TRAP1: variants seen among roughly 807,000 people sequenced by gnomAD.
TRAP1 encodes the protein heat shock protein 75 kDa, mitochondrial.
In TRAP1, 102 loss-of-function variants were observed where a neutral mutation model predicts 89.1. That is an observed-to-expected ratio of 1.15 (90% CI 0.98 to 1.35). The LOEUF is 1.35. Among genes scored for constraint, TRAP1 ranks in the 40% most tolerant of loss-of-function variants. The probability of loss-of-function intolerance (pLI) is 0.00; values close to 1 mark genes in which losing one functional copy is unlikely to be tolerated. For synonymous variants in TRAP1, 508 were observed against 388.0 expected, an observed-to-expected ratio of 1.31 and a Z score of -3.64; for missense variants, 1,256 against 945.3, an observed-to-expected ratio of 1.33 and a Z score of -4.31.
chr16:3,671,798 G>A lies in TRAP1; in HGVS notation c.1166-7C>T. 1 of 1,611,566 alleles carries A rather than the reference G, an allele frequency of 6.2e-7. No individual in the cohort carries two copies. Among genetic ancestry groups the A allele is most frequent in the Non-Finnish European group, 8.5e-7 (1 of 1,179,970 alleles). On this transcript the variant is annotated splice_region_variant and splice_polypyrimidine_tract_variant and intron_variant, in intron 10 of 17. Transcript: ENST00000246957. ...TCCTCACTGTCCACCACACCTGGGA[G>A]ACACGGCAGTCAGCTTCTCCCGGGG...
At chr16:3,679,958 G>C in intron 4 of TRAP1, 168 bp from the exon 5 acceptor site, 2 of 643,766 alleles carry the variant, frequency 3.1e-6, no homozygotes, top group Non-Finnish European at 5.6e-6. Context: ...GGCCGGGAGT[G>C]ATGGTTCATG....
At chr16:3,710,879 A>ATATATATATATATTTT (rs71133652) in intron 1 of TRAP1, among the ~76,000 whole-genome samples, 2 of 125,798 alleles carry the variant, frequency 1.6e-5, no homozygotes, top group East Asian at 4.8e-4. Flanking sequence ...ATATATATAT[A>ATATATATATATATTTT]TTTTTTTTTT....
chr16:3,694,802 TA>T (rs2051264355), intron 1 of TRAP1, among the ~76,000 whole-genome samples: 1 of 152,156 alleles, frequency 6.6e-6, no homozygotes, highest in Non-Finnish European at 1.5e-5. Context: ...CTTGGTTACC[TA>T]CAGGAGGTGT....
At chr16:3,715,795 AT>A (rs949784966) in intron 1 of TRAP1, among the ~76,000 whole-genome samples, 2 of 152,154 alleles carry the variant, frequency 1.3e-5, no homozygotes, top group Non-Finnish European at 2.9e-5. Flanking sequence ...AGACAAAAAA[AT>A]AAATAAATAA....
chr16:3,708,818 T>A (rs2051486238), intron 1 of TRAP1, among the ~76,000 whole-genome samples: 1 of 132,172 alleles, frequency 7.6e-6, no homozygotes, highest in Non-Finnish European at 1.7e-5. Flanking sequence ...TCTGTCTCAA[T>A]TTTTTTTTTT....
At chr16:3,666,419 A>G (rs1567226243) in intron 11 of TRAP1, among the ~76,000 whole-genome samples, 1 of 152,120 alleles carries the variant, frequency 6.6e-6, no homozygotes, top group Admixed American at 6.5e-5. Context: ...TGTTCCAATT[A>G]TAGGAACTGC....
chr16:3,670,470 G>A (rs2050898648), intron 11 of TRAP1, among the ~76,000 whole-genome samples: 2 of 151,508 alleles, frequency 1.3e-5, no homozygotes, highest in South Asian at 4.2e-4. Context: ...GGAGGCTGAG[G>A]CCAAAGGATC....
intron 1 of TRAP1, among the ~76,000 whole-genome samples, chr16:3,713,432 G>C (rs1019936750): frequency 6.6e-5 from 10 of 152,156 alleles, no homozygotes; most frequent in Non-Finnish European, 5.9e-5. Context: ...CAGCTCTCCC[G>C]ACCTTCCTGG....
chr16:3,665,941 AG>A (rs758541462), intron 12 of TRAP1, 29 bp downstream of exon 12: 1 of 1,597,772 alleles, frequency 6.3e-7, no homozygotes, highest in African/African-American at 1.4e-5. Flanking sequence ...AAGGTGGCCC[AG>A]AAAAAGGCCT....
At chr16:3,667,681 A>G (rs2050854732) in intron 11 of TRAP1, among the ~76,000 whole-genome samples, 1 of 151,482 alleles carries the variant, frequency 6.6e-6, no homozygotes, top group Non-Finnish European at 1.5e-5. Context: ...AATGATAGCA[A>G]GATTATAAAC....
chr16:3,697,784 G>A (rs987382522), intron 1 of TRAP1, among the ~76,000 whole-genome samples: 7 of 149,928 alleles, frequency 4.7e-5, no homozygotes, highest in African/African-American at 1.7e-4. Context: ...CAATTAATAT[G>A]CAGAATTTTT....
rs745658862 is a variant in TRAP1, at chr16:3,658,209, C to G, written c.2035G>C (p.Ala679Pro). 1.2e-6 allele frequency: 2 copies of G among 1,613,918 alleles called. No individual in the cohort carries two copies. The highest frequency in any genetic ancestry group is 1.7e-6 in the Non-Finnish European group (2 of 1,179,982). The change falls in exon 18 of 18, where the codon GCT becomes CCT. Residue 679 changes from alanine to proline, a missense_variant. Coordinates refer to ENST00000246957, the MANE Select transcript of TRAP1 (RefSeq NM_016292.3). Reference sequence around the variant, plus strand: ...CTAGGGTCGTCAACAAGTCCAGCAGCAATCATGGCGTTCTCGTATATCTGA... The same window carrying G: ...CTAGGGTCGTCAACAAGTCCAGCAGGAATCATGGCGTTCTCGTATATCTGA... ...VDQIYENAMI[A>P]AGLVDDPRAM...
At chr16:3,676,262 C>T (rs2050992449) in intron 6 of TRAP1, 117 bp from the exon 7 acceptor site, 1 of 708,796 alleles carries the variant, frequency 1.4e-6, no homozygotes, top group South Asian at 2.0e-5. Context: ...ACACAACACA[C>T]CTCAAATGCC....
In TRAP1 at chr16:3,676,174, G is replaced by A. The variant is rs377497965; in HGVS notation, c.705-29C>T. The A allele has an allele frequency of 1.8e-5, 29 of 1,603,052 alleles. No homozygotes were observed. In the South Asian group the frequency reaches 2.9e-4, roughly 16 times the overall value. On this transcript the variant is annotated intron_variant, in intron 6 of 17. Coordinates refer to ENST00000246957, the MANE Select transcript of TRAP1 (RefSeq NM_016292.3). The stretch of plus-strand genomic sequence containing the variant: ...AGGCAGGCAAAGAAAGGAAAAGCCA[G>A]GTGGATGTGACACTGGGACATACCC...
At position 3,676,103 on chromosome 16, in the gene TRAP1, G is replaced by C; in HGVS notation, c.747C>G (p.Thr249=). 1.2e-6 allele frequency: 2 copies of C among 1,613,774 alleles called. No homozygotes were observed. The highest frequency in any genetic ancestry group is 1.7e-6 in the Non-Finnish European group (2 of 1,179,864). ...TCAGGTGGATGATGATTTTTGTCCC[G>C]GTTCTAACTCCCGAAGCTTCGGCGA... The part of the protein sequence containing the change: ...FEIAEASGVR[T]GTKIIIHLKS... Residue 249 remains threonine (T), a synonymous_variant, in exon 7 of 18, where the codon ACC becomes ACG. Transcript: ENST00000246957.
rs2050989319 is a variant in TRAP1, at chr16:3,676,094, T to C, written c.756A>G (p.Lys252=). ...AEASGVRTGT[K]IIIHLKSDCK... is the part of the protein sequence containing the mutation. ...AGTCGGATTTCAGGTGGATGATGAT[T>C]TTTGTCCCGGTTCTAACTCCCGAAG... Residue 252 remains lysine (K), a synonymous_variant, in exon 7 of 18, where the codon AAA becomes AAG. Coordinates refer to ENST00000246957, the MANE Select transcript of TRAP1 (RefSeq NM_016292.3). 6.2e-7 allele frequency: 1 copy of C among 1,613,822 alleles called. No individual in the cohort carries two copies. Among genetic ancestry groups the C allele is most frequent in the East Asian group, 2.2e-5 (1 of 44,846 alleles).
At chr16:3,670,504 C>T (rs1385724916) in intron 11 of TRAP1, among the ~76,000 whole-genome samples, 1 of 150,362 alleles carries the variant, frequency 6.7e-6, no homozygotes, top group African/African-American at 2.4e-5. Flanking sequence ...AGTTCAAGAT[C>T]AGCCTGGGCA....
At chr16:3,662,692 G>C in intron 15 of TRAP1, 190 bp downstream of exon 15, 1 of 698,886 alleles carries the variant, frequency 1.4e-6, no homozygotes, top group Middle Eastern at 2.3e-4. Context: ...GAAAGACACG[G>C]CCTTCCTGCC....
At chr16:3,663,811 C>T (rs368626792) in intron 13 of TRAP1, 70 of 506,100 alleles carry the variant, frequency 1.4e-4, no homozygotes, top group South Asian at 9.2e-4. Context: ...CAGTGGCTCA[C>T]GCCTGTAATC....
Sources: allele counts gnomAD v4.1 joint callset (sites outside exome capture counted in the v4.1 genomes callset), GRCh38; gene constraint gnomAD v4.1.1; transcripts MANE v1.5; gene names NCBI Gene and HGNC (gene_info 2026-07-23, HGNC 2026-07-21).